The following ZBTB7C variants were observed in gnomAD, a reference collection of about 807,000 sequenced individuals.
ZBTB7C encodes the protein zinc finger and BTB domain-containing protein 7C.
Under a neutral mutation model 25.7 loss-of-function variants are expected in ZBTB7C, and 8 were observed. The ratio of observed to expected loss-of-function variants is 0.31; its 90% confidence interval spans 0.18 to 0.56. ZBTB7C has a LOEUF of 0.56. ZBTB7C is among the 20% of genes least tolerant of loss of function. The pLI is 0.91. For missense variants in ZBTB7C, 824 were observed against 855.2 expected (o/e 0.96, Z 0.46); for synonymous variants, 394 against 369.0 (o/e 1.07, Z -0.78).
intron 3 of ZBTB7C, among the ~76,000 whole-genome samples, chr18:48,045,962 T>C (rs536307678): frequency 1.1e-4 from 16 of 152,302 alleles, no homozygotes; most frequent in East Asian, 7.7e-4. Context: ...CAATGCCAAC[T>C]TGCTAGTTGA....
intron 3 of ZBTB7C, among the ~76,000 whole-genome samples, chr18:48,183,844 C>G (rs1169160080): frequency 1.3e-5 from 2 of 152,230 alleles, no homozygotes; most frequent in African/African-American, 4.8e-5. Flanking sequence ...AGTCAGACAT[C>G]ACTGCAGTGC....
intron 3 of ZBTB7C, among the ~76,000 whole-genome samples, chr18:48,140,852 G>A (rs1052716622): frequency 6.6e-6 from 1 of 152,010 alleles, no homozygotes; most frequent in African/African-American, 2.4e-5. Flanking sequence ...AATAGAGCTC[G>A]AACCTGCCCT....
intron 3 of ZBTB7C, among the ~76,000 whole-genome samples, chr18:48,177,891 T>C (rs1321374583): frequency 1.3e-5 from 2 of 152,128 alleles, no homozygotes; most frequent in Admixed American, 1.3e-4. Flanking sequence ...TTGGGGTGTT[T>C]AATGCCTTGT....
intron 1 of ZBTB7C, among the ~76,000 whole-genome samples, chr18:48,369,521 C>T (rs1218601308): frequency 1.3e-5 from 2 of 151,698 alleles, no homozygotes; most frequent in African/African-American, 2.4e-5. Flanking sequence ...TTAAAAATAA[C>T]AATATAGGCA....
chr18:48,112,282 TTCTC>T (rs1434364735), intron 3 of ZBTB7C, among the ~76,000 whole-genome samples: 17 of 143,148 alleles, frequency 1.2e-4, no homozygotes, highest in African/African-American at 4.2e-4. Context: ...TTTTTTTGCC[TTCTC>T]TCTCTCCCTC....
intron 1 of ZBTB7C, among the ~76,000 whole-genome samples, chr18:48,365,946 T>A (rs913657153): frequency 6.6e-6 from 1 of 152,210 alleles, no homozygotes; most frequent in African/African-American, 2.4e-5. Context: ...TCAGAGGGGC[T>A]TCCTATTATC....
rs561090937 is a variant in ZBTB7C, at chr18:48,187,335, C to A, written c.-78-1340G>T. Among the ~76,000 whole-genome samples the A allele has an allele frequency of 4.6e-5, 7 of 152,266 alleles. No homozygotes were observed. In the South Asian group the frequency reaches 1.5e-3, roughly 32 times the overall value. ...GTCTATTGGGAGAAGAATGGATAAA[C>A]AAATGTGGTAAATACATACAGCAGA... On this transcript the variant is annotated intron_variant, in intron 2 of 4. Transcript: ENST00000590800.
chr18:48,190,092 C>T (rs1221482738), intron 2 of ZBTB7C, among the ~76,000 whole-genome samples: 1 of 152,180 alleles, frequency 6.6e-6, no homozygotes, highest in Non-Finnish European at 1.5e-5. Context: ...TCCCTATCAT[C>T]ATCCGTCCCT....
At chr18:48,358,427 G>A (rs2047027889) in intron 1 of ZBTB7C, among the ~76,000 whole-genome samples, 1 of 152,162 alleles carries the variant, frequency 6.6e-6, no homozygotes, top group Admixed American at 6.5e-5. Flanking sequence ...GACACTGCCT[G>A]CTCTCCCTTT....
At chr18:48,094,614 CA>C (rs1427043686) in intron 3 of ZBTB7C, among the ~76,000 whole-genome samples, 1 of 152,086 alleles carries the variant, frequency 6.6e-6, no homozygotes, top group Non-Finnish European at 1.5e-5. Flanking sequence ...TCTGAGAGGA[CA>C]TTTTTTTTTC....
At chr18:48,249,544 A>G (rs2043789391) in intron 2 of ZBTB7C, among the ~76,000 whole-genome samples, 1 of 152,384 alleles carries the variant, frequency 6.6e-6, no homozygotes, top group African/African-American at 2.4e-5. Flanking sequence ...AGCATGTATT[A>G]CATTTAGAAG....
At chr18:48,069,028 C>T (rs942507766) in intron 3 of ZBTB7C, among the ~76,000 whole-genome samples, 2 of 152,350 alleles carry the variant, frequency 1.3e-5, no homozygotes, top group African/African-American at 4.8e-5. Flanking sequence ...ACTAAGGGCA[C>T]GTGGCACCTG....
At position 48,322,755 on chromosome 18, in the gene ZBTB7C, T is replaced by G. The variant is rs994976726; in HGVS notation, c.-79+15419A>C. ...AAAGATACTTGCACTTGCATGTTTATAGCAGCACAATTCGCAATTGCAAAA... is the reference window on the plus strand; with the variant it reads ...AAAGATACTTGCACTTGCATGTTTAGAGCAGCACAATTCGCAATTGCAAAA... On this transcript the variant is annotated intron_variant, in intron 2 of 4. Coordinates refer to ENST00000590800, the MANE Select transcript of ZBTB7C (RefSeq NM_001318841.2). Among the ~76,000 whole-genome samples, 12 of 152,210 alleles carry G rather than the reference T, an allele frequency of 7.9e-5. 1 individual carries two copies. Among genetic ancestry groups the G allele is most frequent in the Admixed American group, 7.2e-4 (11 of 15,288 alleles).
intron 2 of ZBTB7C, among the ~76,000 whole-genome samples, chr18:48,266,084 G>A (rs904967072): frequency 3.9e-5 from 6 of 152,198 alleles, no homozygotes; most frequent in African/African-American, 1.4e-4. Flanking sequence ...AGGGGTGAGG[G>A]AAGGCTCCTT....
chr18:48,045,887 A>G (rs2036449177), intron 3 of ZBTB7C, among the ~76,000 whole-genome samples: 1 of 152,212 alleles, frequency 6.6e-6, no homozygotes, highest in Admixed American at 6.5e-5. Flanking sequence ...CCATGTTGTG[A>G]GGATGCTCAA....
chr18:48,111,559 A>C (rs988519178), intron 3 of ZBTB7C, among the ~76,000 whole-genome samples: 2 of 152,172 alleles, frequency 1.3e-5, no homozygotes, highest in African/African-American at 2.4e-5. Context: ...GAGGCAGAGG[A>C]GAGAAGACCA....
At chr18:48,166,482 C>T (rs182350201) in intron 3 of ZBTB7C, among the ~76,000 whole-genome samples, 2 of 152,266 alleles carry the variant, frequency 1.3e-5, no homozygotes, top group Admixed American at 1.3e-4. Context: ...CCGGTTTCTC[C>T]CTGCCTCCCT....
At chr18:48,134,070 C>T in intron 3 of ZBTB7C, among the ~76,000 whole-genome samples, 1 of 148,876 alleles carries the variant, frequency 6.7e-6, no homozygotes, top group African/African-American at 2.5e-5. Context: ...GCAATATGAT[C>T]TTGTGACCTC....
intron 3 of ZBTB7C, among the ~76,000 whole-genome samples, chr18:48,097,388 A>G (rs753457427): frequency 2.4e-3 from 233 of 96,194 alleles, no homozygotes; most frequent in Admixed American, 3.1e-3. Flanking sequence ...TGTTGTTATT[A>G]TTATTATTAT....
Sources: gnomAD v4.1 joint callset for allele counts (sites outside exome capture counted in the v4.1 genomes callset) on GRCh38, gnomAD v4.1.1 for gene constraint, MANE v1.5 for transcripts, NCBI Gene and HGNC (gene_info 2026-07-23, HGNC 2026-07-21) for gene names.